Variants in UBR4 observed in about 807,000 individuals in gnomAD.
UBR4 encodes ubiquitin protein ligase E3 component n-recognin 4.
Under a neutral mutation model 575.6 loss-of-function variants are expected in UBR4, and 124 were observed. The observed-to-expected ratio is 0.22, with a 90% CI of 0.19 to 0.25. The LOEUF (loss-of-function observed/expected upper bound fraction) is 0.25, where lower values mean the gene tolerates loss of function less well. Ranked by LOEUF, UBR4 falls within the 10% of genes least tolerant of loss-of-function variation. The pLI is 1.00. For missense variants in UBR4, 4,818 were observed against 6,478.8 expected (o/e 0.74, Z 8.80); for synonymous variants, 2,455 against 2,473.7 (o/e 0.99, Z 0.22).
At chr1:19,174,582 G>A in intron 21 of UBR4, 135 bp from the exon 22 acceptor site, 1 of 1,309,832 alleles carries the variant, frequency 7.6e-7, no homozygotes, top group Non-Finnish European at 1.0e-6. Flanking sequence ...CCTTGGAACA[G>A]ATTCCCATTC....
At chr1:19,084,016 T>C (rs2148631221) in intron 102 of UBR4, among the ~76,000 whole-genome samples, 1 of 152,322 alleles carries the variant, frequency 6.6e-6, no homozygotes, top group South Asian at 2.1e-4. Flanking sequence ...GGATAACAAA[T>C]CCAGTTTTCC....
chr1:19,175,343 A>G (rs2090125349), intron 20 of UBR4, among the ~76,000 whole-genome samples: 1 of 152,190 alleles, frequency 6.6e-6, no homozygotes, highest in African/African-American at 2.4e-5. Context: ...TTGCTCTAAG[A>G]GTTAAGTAGG....
chr1:19,203,904 A>G (rs930064461), intron 1 of UBR4, among the ~76,000 whole-genome samples: 1 of 152,190 alleles, frequency 6.6e-6, no homozygotes, highest in African/African-American at 2.4e-5. Context: ...GCTGGTGACT[A>G]AACACAGTTT....
chr1:19,191,755 C>A (rs2092102079), intron 11 of UBR4, among the ~76,000 whole-genome samples: 1 of 152,098 alleles, frequency 6.6e-6, no homozygotes, highest in Non-Finnish European at 1.5e-5. Context: ...GTACATTGGT[C>A]ATATCTCTTC....
intron 102 of UBR4, among the ~76,000 whole-genome samples, chr1:19,083,539 AT>A (rs1300639370): frequency 4.6e-5 from 7 of 151,684 alleles, no homozygotes; most frequent in African/African-American, 7.3e-5. Flanking sequence ...CAATCTCCTA[AT>A]TTTTTTTTCT....
intron 84 of UBR4, 79 bp from the exon 85 acceptor site, chr1:19,105,268 C>A: frequency 6.7e-7 from 1 of 1,497,854 alleles, no homozygotes; most frequent in South Asian, 1.3e-5. Context: ...TTTCTCCTCC[C>A]AATCTTTCCT....
intron 59 of UBR4, among the ~76,000 whole-genome samples, 165 bp from the exon 60 acceptor site, chr1:19,138,346 A>G (rs2083426206): frequency 6.6e-6 from 1 of 152,248 alleles, no homozygotes; most frequent in Non-Finnish European, 1.5e-5. Flanking sequence ...CCACAGCACT[A>G]TGTTAAATCA....
Position 19,094,021 on chromosome 1 carries a change from T to C in UBR4, c.13865A>G (p.Tyr4622Cys), listed in dbSNP as rs759340264. 1.2e-6 allele frequency: 2 copies of C among 1,614,058 alleles called. No homozygotes were observed. Among genetic ancestry groups the C allele is most frequent in the East Asian group, 2.2e-5 (1 of 44,874 alleles). The change falls in exon 95 of 106, where the codon TAC (tyrosine) becomes TGC (cysteine). Residue 4622 changes from tyrosine (Y) to cysteine (C), a missense_variant. Around this residue, in one of 29 missense-constraint regions of UBR4, gnomAD observed 165 missense variants for 282.3 expected, o/e 0.58. Coordinates refer to ENST00000375254, the MANE Select transcript of UBR4 (RefSeq NM_020765.3). The part of the protein sequence containing the change: ...VLQGLLRIIP[Y>C]LSFGEVEKMQ... ...TTTCTCCACCTCTCCAAAGGAAAGG[T>C]ACGGGATGATGCGAAGCAGGCCCTG...
chr1:19,074,717 G>C lies in UBR4; in HGVS notation c.*115C>G, dbSNP rs1570011591. 8.4e-7 allele frequency: 1 copy of C among 1,186,556 alleles called. No individual in the cohort carries two copies. Among genetic ancestry groups the C allele is most frequent in the East Asian group, 2.5e-5 (1 of 39,502 alleles). The allele number at this position is 1,186,556 out of a possible 1,614,324, so 73.5% of individuals were successfully genotyped here. On this transcript the variant is annotated 3_prime_UTR_variant, in exon 106 of 106. Coordinates refer to ENST00000375254, the MANE Select transcript of UBR4 (RefSeq NM_020765.3). ...CCACACCAAGAAAAATGAGAGAGGG[G>C]AGGGCGGGGTAACAATGCAGCATCC... is the stretch of plus-strand genomic sequence containing the variant.
chr1:19,164,751 T>A (rs762419171), intron 32 of UBR4, 48 bp downstream of exon 32: 1 of 1,599,212 alleles, frequency 6.3e-7, no homozygotes, highest in Non-Finnish European at 8.6e-7. Context: ...AATATCAACG[T>A]GTTTCTGGGG....
chr1:19,206,579 G>A (rs1272110251), intron 1 of UBR4, among the ~76,000 whole-genome samples: 1 of 151,940 alleles, frequency 6.6e-6, no homozygotes, highest in Non-Finnish European at 1.5e-5. Context: ...CAGGTGATCC[G>A]CCTGCCTTGG....
chr1:19,141,124 G>A (rs1264247822), intron 57 of UBR4, among the ~76,000 whole-genome samples: 1 of 152,212 alleles, frequency 6.6e-6, no homozygotes, highest in African/African-American at 2.4e-5. Context: ...TAAGATTCAA[G>A]AGGAAATAAC....
intron 14 of UBR4, 35 bp downstream of exon 14, chr1:19,186,505 C>A: frequency 6.3e-7 from 1 of 1,593,660 alleles, no homozygotes; most frequent in Non-Finnish European, 8.6e-7. Flanking sequence ...CACTCTATAG[C>A]TTATCTCTGG....
At chr1:19,096,080 C>G (rs2078009603) in intron 92 of UBR4, among the ~76,000 whole-genome samples, 1 of 150,302 alleles carries the variant, frequency 6.7e-6, no homozygotes. Flanking sequence ...CTCATAAACC[C>G]TGGGGGAGTG....
At chr1:19,197,536 G>T in intron 7 of UBR4, 134 bp downstream of exon 7, 1 of 1,299,106 alleles carries the variant, frequency 7.7e-7, no homozygotes, top group East Asian at 2.3e-5. Context: ...GGCTGAGGTG[G>T]GAGAACTGCT....
chr1:19,087,573 C>T (rs1265071356), intron 99 of UBR4, among the ~76,000 whole-genome samples: 3 of 152,188 alleles, frequency 2.0e-5, no homozygotes, highest in African/African-American at 7.2e-5. Flanking sequence ...TGAGGCCTCA[C>T]ATATAGGAAG....
At chr1:19,144,223 C>A (rs1189444751) in intron 54 of UBR4, 132 bp from the exon 55 acceptor site, 2 of 724,310 alleles carry the variant, frequency 2.8e-6, no homozygotes, top group African/African-American at 1.8e-5. Context: ...TGCAACCCAG[C>A]GGACCAAGTT....
At position 19,141,338 on chromosome 1, in the gene UBR4, G is replaced by A. The variant is rs746210404; in HGVS notation, c.8488+9C>T. On this transcript the variant is annotated intron_variant, in intron 57 of 105. Transcript: ENST00000375254. ...AATGGGCCGCTTTGTTCTTGGCATG[G>A]CCTTCTACCTTGTTGGTCCTGCTGC... The A allele has an allele frequency of 1.3e-5, 21 of 1,614,058 alleles. No homozygotes were observed. The highest frequency in any genetic ancestry group is 1.7e-5 in the Non-Finnish European group (20 of 1,180,038).
intron 60 of UBR4, among the ~76,000 whole-genome samples, chr1:19,129,349 A>G (rs1301939337): frequency 6.6e-6 from 1 of 152,224 alleles, no homozygotes; most frequent in Non-Finnish European, 1.5e-5. Context: ...AGGGAAGTTC[A>G]AAGTATTTCC....
Sources: gnomAD v4.1 joint callset for allele counts (sites outside exome capture counted in the v4.1 genomes callset) on GRCh38, gnomAD v4.1.1 for gene constraint, gnomAD v4.1.1 regional missense constraint, MANE v1.5 for transcripts, NCBI Gene and HGNC (gene_info 2026-07-23, HGNC 2026-07-21) for gene names.